KCNIP1: variants seen among roughly 807,000 people sequenced by gnomAD.
KCNIP1 encodes the protein A-type potassium channel modulatory protein KCNIP1.
KCNIP1 carries 18 observed loss-of-function variants against 33.0 expected under a neutral mutation model. The observed-to-expected ratio is 0.55, with a 90% CI of 0.38 to 0.81. KCNIP1 has a LOEUF of 0.81. Ranked by LOEUF, KCNIP1 falls within the 30% of genes least tolerant of loss-of-function variation. The pLI is 0.00. For missense variants in KCNIP1, 238 were observed against 271.6 expected (o/e 0.88, Z 0.87); for synonymous variants, 93 against 98.3 (o/e 0.95, Z 0.32).
chr5:170,378,772 C>T (rs768115325), intron 1 of KCNIP1: 19 of 1,614,046 alleles, frequency 1.2e-5, no homozygotes, highest in Middle Eastern at 1.6e-4. Context: ...AGGAGGCCAC[C>T]GGTCAGCAGG....
In KCNIP1 at chr5:170,495,887, A is replaced by AT. The variant is rs538395376; in HGVS notation, c.88+141925dup. Reference sequence around the variant, plus strand: ...GGCAGCTGAGACTCTTTTCTCCCCCATTCCTTCCTCCTTCCCTCTTCCTGG... The same window carrying AT: ...GGCAGCTGAGACTCTTTTCTCCCCCATTTCCTTCCTCCTTCCCTCTTCCTGG... On this transcript the variant is annotated intron_variant, in intron 1 of 7. Transcript: ENST00000377360. Among the ~76,000 whole-genome samples the AT allele has an allele frequency of 1.2e-3, 180 of 152,004 alleles. 1 individual carries two copies. The highest frequency in any genetic ancestry group is 4.0e-3 in the African/African-American group (165 of 41,472).
In KCNIP1 at chr5:170,653,053, G is replaced by T. The variant is rs371959743; in HGVS notation, c.62-65705G>T. ...GAGAGAGCACACAGCTGGGTCGGGGGAAGGAGCGAGGGTCTAGGCCTGCAT... is the reference window on the plus strand; with the variant it reads ...GAGAGAGCACACAGCTGGGTCGGGGTAAGGAGCGAGGGTCTAGGCCTGCAT... On this transcript the variant is annotated intron_variant, in intron 1 of 7. Transcript: ENST00000328939. Among the ~76,000 whole-genome samples the T allele has an allele frequency of 1.0e-3, 152 of 152,316 alleles. 1 individual carries two copies. The highest frequency in any genetic ancestry group is 3.5e-3 in the African/African-American group (147 of 41,578).
At chr5:170,626,063 C>CTGCAGGGCCT (rs1203431189) in intron 1 of KCNIP1, among the ~76,000 whole-genome samples, 1 of 152,190 alleles carries the variant, frequency 6.6e-6, no homozygotes, top group East Asian at 1.9e-4. Context: ...GAACCAGACC[C>CTGCAGGGCCT]TGCAGGGCCT....
At chr5:170,413,228 G>A (rs551550710) in intron 1 of KCNIP1, among the ~76,000 whole-genome samples, 1 of 152,212 alleles carries the variant, frequency 6.6e-6, no homozygotes, top group Non-Finnish European at 1.5e-5. Flanking sequence ...AGGACTGCGG[G>A]GTCTTGGTAG....
intron 1 of KCNIP1, among the ~76,000 whole-genome samples, chr5:170,444,711 A>AC (rs893205239): frequency 5.9e-5 from 9 of 151,942 alleles, no homozygotes; most frequent in Non-Finnish European, 1.0e-4. Flanking sequence ...AAAAAAAAAA[A>AC]AAACCTTCTT....
At chr5:170,676,293 AT>A (rs765276204) in intron 1 of KCNIP1, among the ~76,000 whole-genome samples, 19 of 152,316 alleles carry the variant, frequency 1.2e-4, no homozygotes, top group East Asian at 7.7e-4. Flanking sequence ...TATATAACTA[AT>A]TTAAACAAAC....
At chr5:170,681,553 G>C (rs1208507097) in intron 1 of KCNIP1, 2 of 161,586 alleles carry the variant, frequency 1.2e-5, no homozygotes, top group Non-Finnish European at 2.7e-5. Context: ...ACTTTTAAAA[G>C]CCATTATGTT....
intron 1 of KCNIP1, among the ~76,000 whole-genome samples, chr5:170,580,101 C>T (rs1455653407): frequency 6.6e-6 from 1 of 152,158 alleles, no homozygotes; most frequent in African/African-American, 2.4e-5. Context: ...TACTGGTCCC[C>T]TGGACGCTGA....
intron 1 of KCNIP1, among the ~76,000 whole-genome samples, chr5:170,360,769 G>A (rs912645348): frequency 2.6e-5 from 4 of 152,228 alleles, no homozygotes; most frequent in East Asian, 1.9e-4. Flanking sequence ...CTGTGAAAGC[G>A]TTCACCACGT....
chr5:170,604,422 C>T (rs983780734), intron 1 of KCNIP1, among the ~76,000 whole-genome samples: 2 of 152,124 alleles, frequency 1.3e-5, no homozygotes, highest in African/African-American at 4.8e-5. Context: ...ATCGGAGGAA[C>T]AGAAGAAAGG....
intron 1 of KCNIP1, among the ~76,000 whole-genome samples, chr5:170,357,318 G>C (rs572469675): frequency 6.6e-6 from 1 of 152,286 alleles, no homozygotes; most frequent in East Asian, 1.9e-4. Flanking sequence ...GAATGAGATT[G>C]TGCAGATAAA....
At chr5:170,522,310 G>T (rs942279090) in intron 1 of KCNIP1, among the ~76,000 whole-genome samples, 2 of 152,224 alleles carry the variant, frequency 1.3e-5, no homozygotes, top group Admixed American at 1.3e-4. Flanking sequence ...GTCAGAGCCT[G>T]TTGCCATTAA....
intron 1 of KCNIP1, among the ~76,000 whole-genome samples, chr5:170,359,697 T>C (rs1054987470): frequency 9.9e-5 from 15 of 152,210 alleles, no homozygotes; most frequent in African/African-American, 1.7e-4. Flanking sequence ...TGTGTTCACC[T>C]TGGCCCTCCT....
At chr5:170,732,397 T>A (rs1439252283) in intron 5 of KCNIP1, among the ~76,000 whole-genome samples, 4 of 152,224 alleles carry the variant, frequency 2.6e-5, no homozygotes, top group African/African-American at 7.2e-5. Flanking sequence ...TGGCTGTTGG[T>A]TCATTTTTCT....
At chr5:170,496,436 T>C (rs1757312455) in intron 1 of KCNIP1, among the ~76,000 whole-genome samples, 1 of 152,168 alleles carries the variant, frequency 6.6e-6, no homozygotes, top group South Asian at 2.1e-4. Context: ...TCACTGTGAC[T>C]TCAGGAAGGT....
intron 1 of KCNIP1, among the ~76,000 whole-genome samples, chr5:170,662,739 C>T (rs1314746999): frequency 6.6e-6 from 1 of 152,228 alleles, no homozygotes; most frequent in East Asian, 1.9e-4. Context: ...GAAACACTCT[C>T]AGCATTTGAG....
At chr5:170,632,639 G>A (rs1314025350) in intron 1 of KCNIP1, among the ~76,000 whole-genome samples, 1 of 152,212 alleles carries the variant, frequency 6.6e-6, no homozygotes, top group Non-Finnish European at 1.5e-5. Flanking sequence ...ACCAGTGTCA[G>A]CTCCCTTCCT....
At chr5:170,449,683 G>A (rs911953755) in intron 1 of KCNIP1, among the ~76,000 whole-genome samples, 3 of 152,146 alleles carry the variant, frequency 2.0e-5, no homozygotes, top group Non-Finnish European at 2.9e-5. Flanking sequence ...GAACAGTGCC[G>A]GCGGTGTATG....
At chr5:170,541,718 G>A (rs937644636) in intron 1 of KCNIP1, among the ~76,000 whole-genome samples, 30 of 152,254 alleles carry the variant, frequency 2.0e-4, no homozygotes, top group African/African-American at 6.5e-4. Flanking sequence ...TTGTGAAGAG[G>A]GAAAGAGGTT....
Sources: gnomAD v4.1 joint callset for allele counts (sites outside exome capture counted in the v4.1 genomes callset) on GRCh38, gnomAD v4.1.1 for gene constraint, MANE v1.5 for transcripts, NCBI Gene and HGNC (gene_info 2026-07-23, HGNC 2026-07-21) for gene names.